PPM1G: variants seen among roughly 807,000 people sequenced by gnomAD.
PPM1G encodes the protein protein phosphatase 1G.
A neutral mutation model predicts 59.4 loss-of-function variants in PPM1G; 12 were observed. The observed-to-expected ratio is 0.20, with a 90% CI of 0.13 to 0.33. The LOEUF is 0.33. Ranked by LOEUF, PPM1G falls within the 10% of genes least tolerant of loss-of-function variation. The pLI is 1.00. For synonymous variants in PPM1G, 245 were observed against 251.9 expected (o/e 0.97, Z 0.26); for missense variants, 392 against 681.3 (o/e 0.58, Z 4.73).
chr2:27,381,842 TGAACACCTTGCCAG>T lies in PPM1G; in HGVS notation c.1435-51_1435-38del, dbSNP rs1683638771. 3 of 1,597,144 alleles carry T rather than the reference TGAACACCTTGCCAG, an allele frequency of 1.9e-6. No individual in the cohort carries two copies. The African/African-American group carries it at 4.0e-5, about 21-fold the overall frequency. On this transcript the variant is annotated intron_variant, in intron 9 of 9. Transcript: ENST00000344034. ...ATGGGGGTAGCTCAGCCACAGGGTT[TGAACACCTTGCCAG>T]GAATCTACAGTCCCACAAGAGGGCT... is the stretch of plus-strand genomic sequence containing the variant.
At chr2:27,394,467 C>T (rs919964719) in intron 1 of PPM1G, among the ~76,000 whole-genome samples, 3 of 151,834 alleles carry the variant, frequency 2.0e-5, no homozygotes, top group African/African-American at 7.3e-5. Context: ...GCACGGTGAC[C>T]CCCCTGTAAT....
intron 1 of PPM1G, among the ~76,000 whole-genome samples, chr2:27,392,561 C>A (rs1683940213): frequency 7.9e-6 from 1 of 125,812 alleles, no homozygotes; most frequent in Non-Finnish European, 1.6e-5. Context: ...TCCCAAAGTG[C>A]TGAGATTTAG....
intron 1 of PPM1G, among the ~76,000 whole-genome samples, chr2:27,398,445 GCTT>G (rs1434978764): frequency 2.7e-5 from 4 of 150,440 alleles, no homozygotes; most frequent in Non-Finnish European, 6.0e-5. Flanking sequence ...GTTAGGCAAA[GCTT>G]CTTAACAAAA....
At chr2:27,400,218 G>A (rs564126515) in intron 1 of PPM1G, among the ~76,000 whole-genome samples, 145 of 151,546 alleles carry the variant, frequency 9.6e-4, no homozygotes, top group South Asian at 5.8e-3. Flanking sequence ...GCAACACAGC[G>A]AAATCTCGTC....
At chr2:27,401,081 A>G (rs1377821598) in intron 1 of PPM1G, among the ~76,000 whole-genome samples, 1 of 152,248 alleles carries the variant, frequency 6.6e-6, no homozygotes, top group African/African-American at 2.4e-5. Context: ...AGTTTTAAAG[A>G]GATTTCTGAT....
At position 27,381,945 on chromosome 2, in the gene PPM1G, C is replaced by A. The variant is rs1055285460; in HGVS notation, c.1435-140G>T. 6 of 1,008,652 alleles carry A rather than the reference C, an allele frequency of 5.9e-6. No homozygotes were observed. In the African/African-American group the frequency reaches 9.5e-5, roughly 16 times the overall value. The allele number at this position is 1,008,652 out of a possible 1,614,324, so 62.5% of individuals were successfully genotyped here. On this transcript the variant is annotated intron_variant, in intron 9 of 9. Coordinates refer to ENST00000344034, the MANE Select transcript of PPM1G (RefSeq NM_177983.3). ...GAGGTATCACACAACGGCCCACCTG[C>A]TAGTCCATAAGGCATAAGGCTAAGT...
chr2:27,392,092 CAA>C (rs76478913), intron 1 of PPM1G, among the ~76,000 whole-genome samples: 3 of 135,342 alleles, frequency 2.2e-5, no homozygotes, highest in Non-Finnish European at 1.6e-5. Context: ...CAGCAGTCTG[CAA>C]AAAAAAAAAA....
rs556461965 is a variant in PPM1G at position 27,385,082 on chromosome 2, T to C, written c.416A>G (p.Asn139Ser). Residue 139 changes from asparagine (N) to serine (S), a missense_variant, in exon 5 of 10, where the codon AAT (asparagine) becomes AGT (serine). Coordinates refer to ENST00000344034, the MANE Select transcript of PPM1G (RefSeq NM_177983.3). This position sits in a 1 kb window ranked among gnomAD's most constrained non-coding sequence, Gnocchi z 4.1. The stretch of plus-strand genomic sequence containing the variant: ...TTCATGCAGCAGTGCAGCCTCCTCA[T>C]TGTCCACTGCAGGGAAGAGGCTAAA... ...EKVADEDDVD[N>S]EEAALLHEEA... 22 of 1,601,344 alleles carry C rather than the reference T, an allele frequency of 1.4e-5. 1 individual carries two copies. The South Asian group carries it at 2.2e-4, about 16-fold the overall frequency.
Position 27,385,917 on chromosome 2 carries a change from T to A in PPM1G, c.277-38A>T, listed in dbSNP as rs943744701. 3.1e-6 allele frequency: 5 copies of A among 1,598,710 alleles called. No homozygotes were observed. The highest frequency in any genetic ancestry group is 4.3e-6 in the Non-Finnish European group (5 of 1,174,498). ...AAAATAGTCTAAGACTAGTACAAAA[T>A]GAACTCCCTATATACAATCCTGAGC... On this transcript the variant is annotated intron_variant, in intron 3 of 9. Coordinates refer to ENST00000344034, the MANE Select transcript of PPM1G (RefSeq NM_177983.3). The surrounding 1 kb of genome is among the most constrained non-coding windows in gnomAD (Gnocchi z 4.1).
At chr2:27,393,567 A>G (rs1169506397) in intron 1 of PPM1G, among the ~76,000 whole-genome samples, 2 of 152,154 alleles carry the variant, frequency 1.3e-5, no homozygotes, top group Admixed American at 1.3e-4. Context: ...ACTCTCGGCG[A>G]AGAACGTCTC....
intron 1 of PPM1G, chr2:27,393,422 A>C: frequency 8.6e-7 from 1 of 1,158,590 alleles, no homozygotes; most frequent in Non-Finnish European, 1.3e-6. Context: ...GCGGCGCTGG[A>C]GCTGCGGCGG....
Position 27,384,797 on chromosome 2 carries a change from G to A in PPM1G, c.701C>T (p.Thr234Ile), listed in dbSNP as rs972935887. 2 of 1,614,258 alleles carry A rather than the reference G, an allele frequency of 1.2e-6. No individual in the cohort carries two copies. The highest frequency in any genetic ancestry group is 1.7e-6 in the Non-Finnish European group (2 of 1,180,056). Residue 234 changes from threonine to isoleucine, a missense_variant, in exon 5 of 10, where the codon ACT becomes ATT. Physicochemically the swap from Thr to Ile is moderately conservative, Grantham distance 89. Around this residue, in one of 6 missense-constraint regions of PPM1G, gnomAD observed 188 missense variants for 248.8 expected, o/e 0.76. Coordinates refer to ENST00000344034, the MANE Select transcript of PPM1G (RefSeq NM_177983.3). The surrounding 1 kb of genome is among the most constrained non-coding windows in gnomAD (Gnocchi z 4.8). ...AGAGCAGGAAGGCCCAGCCTCACCA[G>A]TGGGAATGCCAGGCTCACCAACTTG... Reference protein sequence around the residue: ...AGQVGEPGIPTGEAGPSCSSA... With the variant: ...AGQVGEPGIPIGEAGPSCSSA...
At chr2:27,391,286 T>G (rs1683895000) in intron 1 of PPM1G, among the ~76,000 whole-genome samples, 1 of 152,230 alleles carries the variant, frequency 6.6e-6, no homozygotes, top group South Asian at 2.1e-4. Context: ...GCTAAATTAA[T>G]TTACACCTTC....
chr2:27,397,204 A>C (rs958120113), intron 1 of PPM1G, among the ~76,000 whole-genome samples: 9 of 152,102 alleles, frequency 5.9e-5, no homozygotes, highest in Non-Finnish European at 8.8e-5. Flanking sequence ...AAAGCCAAAA[A>C]CTTCCCACAA....
chr2:27,399,656 A>G (rs1411157489), intron 1 of PPM1G, among the ~76,000 whole-genome samples: 1 of 152,196 alleles, frequency 6.6e-6, no homozygotes, highest in African/African-American at 2.4e-5. Flanking sequence ...CCATTTAGCC[A>G]TCAGAGAAAT....
chr2:27,383,500 G>A lies in PPM1G; in HGVS notation c.1067C>T (p.Ala356Val), dbSNP rs145406652. 2.5e-6 allele frequency: 4 copies of A among 1,614,030 alleles called. No homozygotes were observed. Among genetic ancestry groups the A allele is most frequent in the Non-Finnish European group, 3.4e-6 (4 of 1,180,038 alleles). Residue 356 changes from alanine (A) to valine (V), a missense_variant, in exon 7 of 10, where the codon GCT becomes GTT. Around this residue, in one of 6 missense-constraint regions of PPM1G, gnomAD observed 53 missense variants for 175.4 expected, o/e 0.30. Transcript: ENST00000344034. This position sits in a 1 kb window ranked among gnomAD's most constrained non-coding sequence, Gnocchi z 5.0. ...ATAGGACATGTCTAAAGCTTTGCCA[G>A]CCTCAGATACCACACAGCGAGAGTC... ...AGDSRCVVSE[A>V]GKALDMSYDH...
chr2:27,389,733 G>A (rs1232527823), intron 1 of PPM1G, among the ~76,000 whole-genome samples: 1 of 152,170 alleles, frequency 6.6e-6, no homozygotes. Flanking sequence ...GGGAAGGTAG[G>A]CAGGAGGACT....
intron 1 of PPM1G, among the ~76,000 whole-genome samples, chr2:27,404,525 G>A (rs980396529): frequency 1.3e-5 from 2 of 151,818 alleles, no homozygotes; most frequent in African/African-American, 4.8e-5. Flanking sequence ...ACTCCAGCCC[G>A]GGTGACAATG....
rs895347148 is a variant in PPM1G, at chr2:27,381,989, T to C, written c.1434+137A>G. 2.9e-6 allele frequency: 3 copies of C among 1,034,558 alleles called. No individual in the cohort carries two copies. In the African/African-American group the frequency reaches 4.7e-5, roughly 16 times the overall value. 64.1% of individuals were successfully genotyped at this position (1,034,558 alleles called of 1,614,324 possible). ...GCTAAGTCAGGGAAATGACAGAAGG[T>C]GGAACTTTGGAGTCGGGGTTTAGCG... On this transcript the variant is annotated intron_variant, in intron 9 of 9. Coordinates refer to ENST00000344034, the MANE Select transcript of PPM1G (RefSeq NM_177983.3).
Sources: allele counts gnomAD v4.1 joint callset (sites outside exome capture counted in the v4.1 genomes callset), GRCh38; gene constraint gnomAD v4.1.1; regional missense constraint gnomAD v4.1.1; non-coding constraint Gnocchi (gnomAD v3.1); transcripts MANE v1.5; gene names NCBI Gene and HGNC (gene_info 2026-07-23, HGNC 2026-07-21).